STK4: variants seen among roughly 807,000 people sequenced by gnomAD.
STK4 encodes the protein serine/threonine kinase 4, also known as serine/threonine-protein kinase 4.
In STK4, 30 loss-of-function variants were observed where a neutral mutation model predicts 64.9. That is an observed-to-expected ratio of 0.46 (90% CI 0.35 to 0.63). The LOEUF is 0.63. STK4 is among the 20% of genes least tolerant of loss of function. The pLI, the probability that STK4 is intolerant of heterozygous loss-of-function variation, is 0.01. For missense variants in STK4, 466 were observed against 598.5 expected, an observed-to-expected ratio of 0.78 and a Z score of 2.31; for synonymous variants, 177 against 199.0, an observed-to-expected ratio of 0.89 and a Z score of 0.93.
rs558706666 is a variant in STK4 at position 44,972,131 on chromosome 20, T to C, written c.89T>C (p.Phe30Ser). 1 of 1,613,952 alleles carries C rather than the reference T, an allele frequency of 6.2e-7. No individual in the cohort carries two copies. Among genetic ancestry groups the C allele is most frequent in the African/African-American group, 1.3e-5 (1 of 75,036 alleles). ...TTAACCAAACAACCAGAAGAAGTAT[T>C]TGATGTCTTAGAGAAACTTGGAGAA... Reference protein sequence around the residue: ...DSLTKQPEEVFDVLEKLGEGS... With the variant: ...DSLTKQPEEVSDVLEKLGEGS... Residue 30 changes from phenylalanine (F) to serine (S), a missense_variant, in exon 2 of 11, where the codon TTT (phenylalanine) becomes TCT (serine). Phe to Ser is a radical substitution (Grantham distance 155, BLOSUM62 -2). Around this residue, in one of 2 missense-constraint regions of STK4, gnomAD observed 190 missense variants for 289.7 expected, o/e 0.66. Transcript: ENST00000372806.
intron 10 of STK4, among the ~76,000 whole-genome samples, chr20:45,035,256 T>A (rs2068509359): frequency 6.6e-6 from 1 of 152,114 alleles, no homozygotes; most frequent in African/African-American, 2.4e-5. Context: ...TAGCTGTCTT[T>A]ACACAGAGAG....
Position 45,075,240 on chromosome 20 carries a change from C to T in STK4, c.*64C>T. 6.4e-7 allele frequency: 1 copy of T among 1,574,446 alleles called. No homozygotes were observed. The highest frequency in any genetic ancestry group is 8.6e-7 in the Non-Finnish European group (1 of 1,162,094). ...TTTGGGTGAATTCTGGATGGCTTGC[C>T]TCATGTTTGTTAGCCAGCACTTCTG... On this transcript the variant is annotated 3_prime_UTR_variant, in exon 11 of 11. Transcript: ENST00000372806.
intron 9 of STK4, among the ~76,000 whole-genome samples, chr20:45,012,112 T>C (rs1423885164): frequency 6.6e-6 from 1 of 151,772 alleles, no homozygotes; most frequent in Non-Finnish European, 1.5e-5. Context: ...CTCAGCTCAC[T>C]GCAACCTCTG....
chr20:45,008,606 G>A (rs984670076), intron 9 of STK4, among the ~76,000 whole-genome samples: 2 of 152,124 alleles, frequency 1.3e-5, no homozygotes, highest in African/African-American at 4.8e-5. Context: ...TGAGAAATTA[G>A]CAAACTGCTT....
intron 1 of STK4, among the ~76,000 whole-genome samples, chr20:44,968,515 T>A (rs1289844887): frequency 1.3e-5 from 2 of 152,256 alleles, no homozygotes; most frequent in Admixed American, 6.5e-5. Flanking sequence ...TAGCAGATAT[T>A]TACTATAGTA....
At chr20:44,979,666 C>T (rs2145647596) in intron 3 of STK4, among the ~76,000 whole-genome samples, 1 of 152,310 alleles carries the variant, frequency 6.6e-6, no homozygotes, top group Non-Finnish European at 1.5e-5. Flanking sequence ...GTTTGCAAAA[C>T]TTCTACATTA....
At chr20:44,994,957 T>A (rs1271803676) in intron 5 of STK4, 133 bp from the exon 6 acceptor site, 35 of 721,440 alleles carry the variant, frequency 4.9e-5, no homozygotes, top group Non-Finnish European at 6.0e-5. Flanking sequence ...TACAAGGCAT[T>A]TTTTTATTGT....
intron 10 of STK4, among the ~76,000 whole-genome samples, chr20:45,068,574 G>A (rs1292588781): frequency 2.6e-5 from 4 of 152,218 alleles, no homozygotes; most frequent in African/African-American, 9.6e-5. Context: ...GCCATCTGAT[G>A]TATCTAATAT....
chr20:45,017,192 A>G (rs1366976128), intron 9 of STK4, among the ~76,000 whole-genome samples: 1 of 152,214 alleles, frequency 6.6e-6, no homozygotes, highest in Non-Finnish European at 1.5e-5. Flanking sequence ...TCAGTAACTT[A>G]TATATTAAAA....
intron 9 of STK4, among the ~76,000 whole-genome samples, chr20:45,002,677 A>G (rs532408193): frequency 7.2e-5 from 11 of 152,288 alleles, no homozygotes; most frequent in Non-Finnish European, 1.0e-4. Flanking sequence ...AATGACCCCT[A>G]TAGACCTATA....
chr20:45,043,196 A>G lies in STK4; in HGVS notation c.1305+18066A>G, dbSNP rs565514004. ...GAAGGACATGATCTCCTTCCTTTTT[A>G]TGGCTGCATAATATTCCATGGTATA... On this transcript the variant is annotated intron_variant, in intron 10 of 10. Coordinates refer to ENST00000372806, the MANE Select transcript of STK4 (RefSeq NM_006282.5). Among the ~76,000 whole-genome samples, 33 of 152,088 alleles carry G rather than the reference A, an allele frequency of 2.2e-4. No individual in the cohort carries two copies. The South Asian group carries it at 6.0e-3, about 28-fold the overall frequency.
chr20:44,994,803 A>G (rs1211518095), intron 5 of STK4, among the ~76,000 whole-genome samples: 1 of 152,164 alleles, frequency 6.6e-6, no homozygotes, highest in Non-Finnish European at 1.5e-5. Flanking sequence ...ATCAGCATTA[A>G]TTATTAATTT....
chr20:45,063,677 T>A (rs1365462209), intron 10 of STK4, among the ~76,000 whole-genome samples: 2 of 152,232 alleles, frequency 1.3e-5, no homozygotes. Context: ...AGGTCCTATG[T>A]CCAGAGTGGT....
At position 45,001,290 on chromosome 20, in the gene STK4, C is replaced by G; in HGVS notation, c.1084C>G (p.Pro362Ala). 1.2e-6 allele frequency: 2 copies of G among 1,614,044 alleles called. No individual in the cohort carries two copies. Among genetic ancestry groups the G allele is most frequent in the South Asian group, 2.2e-5 (2 of 91,074 alleles). ...TATGATTGAGCACGATGACACGTTG[C>G]CATCACAACTGGGCACCATGGTGAT... ...NTMIEHDDTL[P>A]SQLGTMVINA... is the part of the protein sequence containing the mutation. Residue 362 changes from proline (P) to alanine (A), a missense_variant, in exon 9 of 11, where the codon CCA becomes GCA. Around this residue, in one of 2 missense-constraint regions of STK4, gnomAD observed 276 missense variants for 308.9 expected, o/e 0.89. Transcript: ENST00000372806.
At chr20:45,039,653 G>C (rs1158506977) in intron 10 of STK4, among the ~76,000 whole-genome samples, 1 of 152,088 alleles carries the variant, frequency 6.6e-6, no homozygotes, top group Non-Finnish European at 1.5e-5. Context: ...AATGACCATT[G>C]TATTTCAGTT....
intron 7 of STK4, among the ~76,000 whole-genome samples, chr20:44,997,652 GT>G (rs1475450346): frequency 6.6e-6 from 1 of 152,232 alleles, no homozygotes; most frequent in African/African-American, 2.4e-5. Flanking sequence ...AGGCATGATT[GT>G]GCTGCTACAT....
At chr20:45,014,718 C>T (rs964502088) in intron 9 of STK4, among the ~76,000 whole-genome samples, 4 of 152,078 alleles carry the variant, frequency 2.6e-5, no homozygotes, top group East Asian at 3.8e-4. Context: ...TGACATGCGG[C>T]GGTTCTTCCT....
intron 6 of STK4, among the ~76,000 whole-genome samples, chr20:44,996,323 T>C (rs1019377824): frequency 6.6e-6 from 1 of 151,948 alleles, no homozygotes; most frequent in African/African-American, 2.4e-5. Flanking sequence ...ACAGCACTGT[T>C]GTAATACACC....
At chr20:44,982,903 G>A (rs1296183232) in intron 4 of STK4, among the ~76,000 whole-genome samples, 2 of 149,236 alleles carry the variant, frequency 1.3e-5, no homozygotes, top group South Asian at 2.1e-4. Context: ...ATACTATGAG[G>A]AAAATGAATG....
Sources: allele counts gnomAD v4.1 joint callset (sites outside exome capture counted in the v4.1 genomes callset), GRCh38; gene constraint gnomAD v4.1.1; regional missense constraint gnomAD v4.1.1; transcripts MANE v1.5; gene names NCBI Gene and HGNC (gene_info 2026-07-23, HGNC 2026-07-21).